CNGA1: variants seen among roughly 807,000 people sequenced by gnomAD.
The protein encoded by CNGA1 is cyclic nucleotide-gated channel alpha-1.
CNGA1 carries 53 observed loss-of-function variants against 69.7 expected under a neutral mutation model. That is an observed-to-expected ratio of 0.76 (90% confidence interval 0.61 to 0.96). CNGA1 has a LOEUF of 0.96. Among genes scored for constraint, CNGA1 ranks in the 40% least tolerant of loss-of-function variants. The pLI is 0.00. For missense variants in CNGA1, 739 were observed against 811.2 expected (o/e 0.91, Z 1.08); for synonymous variants, 249 against 283.5 (o/e 0.88, Z 1.22).
intron 4 of CNGA1, among the ~76,000 whole-genome samples, chr4:47,951,992 G>A (rs909805432): frequency 1.3e-5 from 2 of 152,146 alleles, no homozygotes; most frequent in African/African-American, 4.8e-5. Context: ...GTCACTTGAG[G>A]AAAAGCCCTG....
chr4:47,990,775 C>T (rs540642798), intron 2 of CNGA1, among the ~76,000 whole-genome samples: 1 of 152,246 alleles, frequency 6.6e-6, no homozygotes, highest in African/African-American at 2.4e-5. Context: ...TCAGACCAGC[C>T]AACACTTAGG....
At chr4:47,948,368 A>G (rs1038231533) in intron 6 of CNGA1, among the ~76,000 whole-genome samples, 2 of 152,192 alleles carry the variant, frequency 1.3e-5, no homozygotes, top group Non-Finnish European at 2.9e-5. Context: ...GATACTGTAT[A>G]TATGCTAAAA....
At chr4:48,012,289 C>T (rs925590352) in intron 1 of CNGA1, among the ~76,000 whole-genome samples, 1 of 152,066 alleles carries the variant, frequency 6.6e-6, no homozygotes, top group Admixed American at 6.5e-5. Flanking sequence ...TCAGCTAGGA[C>T]AAATTGCTGC....
intron 2 of CNGA1, among the ~76,000 whole-genome samples, chr4:47,991,117 A>G (rs1742245448): frequency 6.6e-6 from 1 of 152,218 alleles, no homozygotes; most frequent in South Asian, 2.1e-4. Context: ...TGCTATAAGC[A>G]TGAGTGTGCA....
chr4:47,942,194 ACATTTTTATTTAC>A, intron 8 of CNGA1, 46 bp from the exon 9 acceptor site: 1 of 1,182,616 alleles, frequency 8.5e-7, no homozygotes, highest in Non-Finnish European at 1.3e-6. Flanking sequence ...AGATACAAGA[ACATTTTTATTTAC>A]CATGTTAAAC....
chr4:47,967,972 C>T (rs1334758734), intron 3 of CNGA1, among the ~76,000 whole-genome samples: 6 of 151,490 alleles, frequency 4.0e-5, no homozygotes, highest in South Asian at 2.1e-4. Flanking sequence ...AGCAAGACTT[C>T]GTCTCAAAAA....
chr4:48,012,107 C>T (rs1715191565), intron 1 of CNGA1, among the ~76,000 whole-genome samples: 1 of 152,100 alleles, frequency 6.6e-6, no homozygotes, highest in Admixed American at 6.6e-5. Flanking sequence ...TTTTGCTTTT[C>T]TTCCTTGTCT....
intron 3 of CNGA1, 132 bp downstream of exon 3, chr4:47,981,261 C>T (rs926042946): frequency 6.6e-6 from 1 of 152,138 alleles, no homozygotes. Flanking sequence ...AATAAAAATA[C>T]AATCATAGCT....
rs182224452 is a variant in CNGA1 at position 47,955,362 on chromosome 4, T to C, written c.-14-2659A>G. Among the ~76,000 whole-genome samples, 259 of 152,166 alleles carry C rather than the reference T, an allele frequency of 1.7e-3. 2 individuals are homozygous for C. Among genetic ancestry groups the C allele is most frequent in the Non-Finnish European group, 3.1e-3 (214 of 67,984 alleles). ...CACGCCTGGCTAATTTTTGTATTTT[T>C]ACTAGAGACAGGGTTTCGCCATGTT... On this transcript the variant is annotated intron_variant, in intron 3 of 10. Coordinates refer to ENST00000514170, the MANE Select transcript of CNGA1 (RefSeq NM_001379270.1).
At chr4:47,994,042 C>T (rs1560310225) in intron 2 of CNGA1, among the ~76,000 whole-genome samples, 1 of 151,980 alleles carries the variant, frequency 6.6e-6, no homozygotes, top group African/African-American at 2.4e-5. Flanking sequence ...TCTGAGAGTG[C>T]CTGATATAAT....
chr4:47,966,507 C>T (rs895834740), intron 3 of CNGA1, among the ~76,000 whole-genome samples: 7 of 152,150 alleles, frequency 4.6e-5, no homozygotes, highest in Non-Finnish European at 7.3e-5. Context: ...ATGGGTAAGG[C>T]ACATAAATCT....
At chr4:47,940,489 T>A (rs1436238544) in intron 10 of CNGA1, among the ~76,000 whole-genome samples, 1 of 152,202 alleles carries the variant, frequency 6.6e-6, no homozygotes, top group Non-Finnish European at 1.5e-5. Flanking sequence ...GCTCTCTCTA[T>A]TCCTCTCGCC....
intron 6 of CNGA1, among the ~76,000 whole-genome samples, chr4:47,944,562 GT>G (rs1401511160): frequency 6.6e-6 from 1 of 152,330 alleles, no homozygotes; most frequent in African/African-American, 2.4e-5. Context: ...ATGGCAGATG[GT>G]GGAGGAAGGT....
At chr4:47,939,734 C>T (rs1164074969) in intron 10 of CNGA1, among the ~76,000 whole-genome samples, 2 of 152,284 alleles carry the variant, frequency 1.3e-5, no homozygotes, top group Admixed American at 6.5e-5. Flanking sequence ...ACGCCATATA[C>T]ATATTGGTCA....
intron 3 of CNGA1, among the ~76,000 whole-genome samples, chr4:47,974,337 A>G (rs1741232121): frequency 6.6e-6 from 1 of 151,708 alleles, no homozygotes; most frequent in Admixed American, 6.6e-5. Context: ...TTCTCCTAAT[A>G]TATTTCTAAA....
intron 3 of CNGA1, among the ~76,000 whole-genome samples, chr4:47,979,837 A>G (rs909794022): frequency 5.3e-5 from 8 of 152,184 alleles, no homozygotes; most frequent in African/African-American, 1.9e-4. Flanking sequence ...TACCTCCAAG[A>G]AAAAGAGAGT....
chr4:47,995,479 C>T (rs1410300859), intron 2 of CNGA1, among the ~76,000 whole-genome samples: 1 of 152,010 alleles, frequency 6.6e-6, no homozygotes, highest in Non-Finnish European at 1.5e-5. Flanking sequence ...CTAAGTGTGT[C>T]CATTGTTTCC....
chr4:47,959,970 A>G (rs898355538), intron 3 of CNGA1, among the ~76,000 whole-genome samples: 1 of 152,218 alleles, frequency 6.6e-6, no homozygotes, highest in Non-Finnish European at 1.5e-5. Context: ...ATCAAAAGAC[A>G]TATAAGAAGA....
Position 47,937,634 on chromosome 4 carries a change from C to A in CNGA1, c.848G>T (p.Arg283Ile), listed in dbSNP as rs577505007. The A allele has an allele frequency of 1.2e-4, 201 of 1,614,118 alleles. 1 individual carries two copies. The South Asian group carries it at 2.2e-3, about 18-fold the overall frequency. The change falls in exon 11 of 11, where the codon AGA becomes ATA. Residue 283 changes from arginine (R) to isoleucine (I), a missense_variant. Coordinates refer to ENST00000514170, the MANE Select transcript of CNGA1 (RefSeq NM_001379270.1). ...TGGATAGTTTGTCCTTGTTTCTGTT[C>A]TCTGGAAGAACTCAAACATACGAGA... The part of the protein sequence containing the change: ...RFSRMFEFFQ[R>I]TETRTNYPNI...
Sources: allele counts gnomAD v4.1 joint callset (sites outside exome capture counted in the v4.1 genomes callset), GRCh38; gene constraint gnomAD v4.1.1; transcripts MANE v1.5; gene names NCBI Gene and HGNC (gene_info 2026-07-23, HGNC 2026-07-21).